Variants in LMO1 observed in about 807,000 individuals in gnomAD.
LMO1 encodes rhombotin-1.
Under a neutral mutation model 18.0 loss-of-function variants are expected in LMO1, and 10 were observed. The observed-to-expected ratio is 0.55, with a 90% CI of 0.34 to 0.94. LMO1 has a LOEUF of 0.94. Ranked by LOEUF, LMO1 falls within the 40% of genes least tolerant of loss-of-function variation. The pLI is 0.02. For missense variants in LMO1, 183 were observed against 205.7 expected (o/e 0.89, Z 0.68); for synonymous variants, 77 against 77.9 (o/e 0.99, Z 0.06).
Position 8,263,346 on chromosome 11 carries a change from T to C in LMO1, c.17A>G (p.Lys6Arg). The C allele has an allele frequency of 6.2e-7, 1 of 1,603,644 alleles. No homozygotes were observed. Residue 6 changes from lysine to arginine, a missense_variant, in exon 1 of 4, where the codon AAG (lysine) becomes AGG (arginine). Transcript: ENST00000335790. MMVLD[K>R]EDGVPMLSVQ... ...CCCGGCCCGCCACCTACCGTCCTCCTTGTCCAGCACCATCATCTCGGGCGC... is the reference window on the plus strand; with the variant it reads ...CCCGGCCCGCCACCTACCGTCCTCCCTGTCCAGCACCATCATCTCGGGCGC...
chr11:8,264,248 G>A (rs558309785), upstream of LMO1, among the ~76,000 whole-genome samples: 6 of 151,734 alleles, frequency 4.0e-5, no homozygotes, highest in Middle Eastern at 3.4e-3. Context: ...GAGTCTTACA[G>A]CACTACTCCT....
intron 1 of LMO1, among the ~76,000 whole-genome samples, chr11:8,255,918 T>C (rs944769858): frequency 2.9e-5 from 4 of 137,276 alleles, no homozygotes; most frequent in South Asian, 4.8e-4. Flanking sequence ...CTCCACCTCC[T>C]GGGTTCACGC....
At chr11:8,245,035 C>G (rs1846871538) in intron 1 of LMO1, among the ~76,000 whole-genome samples, 1 of 152,238 alleles carries the variant, frequency 6.6e-6, no homozygotes, top group Non-Finnish European at 1.5e-5. Context: ...TGGTATCATG[C>G]CCGGCACTTC....
At chr11:8,226,621 C>T (rs1325550437) in intron 3 of LMO1, among the ~76,000 whole-genome samples, 1 of 152,224 alleles carries the variant, frequency 6.6e-6, no homozygotes, top group Non-Finnish European at 1.5e-5. Context: ...TGTACAAATG[C>T]ATATTAATTC....
chr11:8,268,321 G>A, upstream of LMO1: 3 of 988,420 alleles, frequency 3.0e-6, no homozygotes, highest in Middle Eastern at 2.9e-4. Flanking sequence ...CGGGTGCTGA[G>A]GGCTCTGCCG....
chr11:8,253,498 G>A (rs918796983), intron 1 of LMO1, among the ~76,000 whole-genome samples: 4 of 152,260 alleles, frequency 2.6e-5, no homozygotes, highest in South Asian at 2.1e-4. Flanking sequence ...ATTTGAACCC[G>A]TGTGACTCAA....
At chr11:8,247,639 T>C (rs1846918135) in intron 1 of LMO1, among the ~76,000 whole-genome samples, 2 of 152,212 alleles carry the variant, frequency 1.3e-5, no homozygotes, top group African/African-American at 4.8e-5. Flanking sequence ...GAGAGCCCTA[T>C]GGAGGGGACA....
intron 1 of LMO1, among the ~76,000 whole-genome samples, chr11:8,237,019 G>A (rs528251846): frequency 2.1e-4 from 32 of 152,178 alleles, no homozygotes; most frequent in Admixed American, 1.2e-3. Context: ...AACAAAACCC[G>A]CAAGTAAGAG....
chr11:8,250,160 A>G (rs1240969758), intron 1 of LMO1, among the ~76,000 whole-genome samples: 1 of 152,050 alleles, frequency 6.6e-6, no homozygotes, highest in African/African-American at 2.4e-5. Flanking sequence ...CACAAATTAG[A>G]GTTTTTGCCA....
chr11:8,233,527 G>A (rs1291099405), intron 1 of LMO1, among the ~76,000 whole-genome samples: 1 of 152,168 alleles, frequency 6.6e-6, no homozygotes, highest in Non-Finnish European at 1.5e-5. Flanking sequence ...TTCCTCATAG[G>A]GCATCCATGC....
At chr11:8,241,178 C>T (rs1590541708) in intron 1 of LMO1, among the ~76,000 whole-genome samples, 1 of 152,214 alleles carries the variant, frequency 6.6e-6, no homozygotes, top group Non-Finnish European at 1.5e-5. Flanking sequence ...TTCCTCCCTC[C>T]CACACTATCA....
intron 1 of LMO1, among the ~76,000 whole-genome samples, chr11:8,254,512 G>A (rs1847056504): frequency 6.6e-6 from 1 of 152,208 alleles, no homozygotes; most frequent in African/African-American, 2.4e-5. Flanking sequence ...GTCTAAGTCA[G>A]CTCAGGGAAC....
rs1952502817 is a variant in LMO1 at position 8,224,731 on chromosome 11, C to T, written c.366-10G>A. 5 of 1,571,542 alleles carry T rather than the reference C, an allele frequency of 3.2e-6. No individual in the cohort carries two copies. The highest frequency in any genetic ancestry group is 1.4e-5 in the African/African-American group (1 of 73,888). On this transcript the variant is annotated splice_polypyrimidine_tract_variant and intron_variant, in intron 3 of 3. Coordinates refer to ENST00000335790, the MANE Select transcript of LMO1 (RefSeq NM_002315.3). ...GTCTCCCACACAAAATCTAGAAAATCCAAGCGAGAGAGAGAAGCCATGGGA... is the reference window on the plus strand; with the variant it reads ...GTCTCCCACACAAAATCTAGAAAATTCAAGCGAGAGAGAGAAGCCATGGGA...
Position 8,227,097 on chromosome 11 carries a change from G to A in LMO1, c.243C>T (p.Leu81=), listed in dbSNP as rs1357705814. The change falls in exon 3 of 4, where the codon CTC becomes CTT. Residue 81 remains leucine (L), a synonymous_variant. Transcript: ENST00000335790. ...LILCRRDYLR[L]FGTTGNCAAC... Reference sequence around the variant, plus strand: ...CAGCACAGTTCCCTGTGGTGCCAAAGAGCCTGCCGAGGGAAGGGCGCAGAG... The same window carrying A: ...CAGCACAGTTCCCTGTGGTGCCAAAAAGCCTGCCGAGGGAAGGGCGCAGAG... 3.1e-6 allele frequency: 5 copies of A among 1,612,846 alleles called. No individual in the cohort carries two copies. The highest frequency in any genetic ancestry group is 4.2e-6 in the Non-Finnish European group (5 of 1,179,342).
intron 1 of LMO1, among the ~76,000 whole-genome samples, chr11:8,255,886 C>T (rs970317995): frequency 1.1e-4 from 13 of 119,634 alleles, no homozygotes; most frequent in Non-Finnish European, 1.7e-4. Flanking sequence ...AGTGCAGTGG[C>T]GGGATCTCGG....
intron 1 of LMO1, among the ~76,000 whole-genome samples, chr11:8,245,192 TG>T (rs756636404): frequency 5.9e-5 from 9 of 152,162 alleles, no homozygotes; most frequent in Non-Finnish European, 1.3e-4. Context: ...TAGCATCCTT[TG>T]CCCTCCTACA....
rs781572416 is a variant in LMO1 at position 8,230,304 on chromosome 11, G to A, written c.226C>T (p.Arg76Cys). 8.1e-6 allele frequency: 13 copies of A among 1,613,652 alleles called. No homozygotes were observed. The highest frequency in any genetic ancestry group is 3.3e-5 in the South Asian group (3 of 91,084). The change falls in exon 2 of 4, where the codon CGC becomes TGC. Residue 76 changes from arginine to cysteine, a missense_variant. Coordinates refer to ENST00000335790, the MANE Select transcript of LMO1 (RefSeq NM_002315.3). ...TTGGCAGCCCACCTCAGGTAGTCGC[G>A]TCGGCACAGGATGAGGTTGGCCTTG... Reference protein sequence around the residue: ...YTKANLILCRRDYLRLFGTTG... With the variant: ...YTKANLILCRCDYLRLFGTTG...
intron 1 of LMO1, among the ~76,000 whole-genome samples, chr11:8,238,410 G>A (rs1453488521): frequency 1.3e-5 from 2 of 152,156 alleles, no homozygotes; most frequent in Admixed American, 6.5e-5. Context: ...GGTGGCTCAC[G>A]CCTGTAATCC....
intron 1 of LMO1, among the ~76,000 whole-genome samples, chr11:8,257,790 T>G (rs191225408): frequency 3.3e-5 from 5 of 152,322 alleles, no homozygotes; most frequent in African/African-American, 1.2e-4. Flanking sequence ...GCAGCAATGA[T>G]TAAGGACCAT....
Sources: gnomAD v4.1 joint callset for allele counts (sites outside exome capture counted in the v4.1 genomes callset) on GRCh38, gnomAD v4.1.1 for gene constraint, MANE v1.5 for transcripts, NCBI Gene and HGNC (gene_info 2026-07-23, HGNC 2026-07-21) for gene names.